Variants in GTPBP6 observed in about 807,000 individuals in gnomAD.
GTPBP6 encodes the protein putative GTP-binding protein 6.
A neutral mutation model predicts 28.9 loss-of-function variants in GTPBP6; 33 were observed. That is an observed-to-expected ratio of 1.14 (90% confidence interval 0.87 to 1.53). The LOEUF (loss-of-function observed/expected upper bound fraction) is 1.53, where lower values mean the gene tolerates loss of function less well. GTPBP6 is among the 40% of genes most tolerant of loss of function. GTPBP6 has a pLI of 0.00. For synonymous variants in GTPBP6, 231 were observed against 192.7 expected (o/e 1.20, Z -1.65); for missense variants, 507 against 408.3 (o/e 1.24, Z -2.08).
chrX:314,263 C>T, intron 4 of GTPBP6, 46 bp from the exon 5 acceptor site: 3 of 1,504,450 alleles, frequency 2.0e-6, no homozygotes, highest in Non-Finnish European at 2.8e-6. Flanking sequence ...ACGCTGTCTC[C>T]CTCCCGGCAG....
exon 4 of GTPBP6, chrX:314,900 G>C (rs1347020864): frequency 5.0e-6 from 2 of 398,854 alleles, no homozygotes; most frequent in East Asian, 3.6e-5. Context: ...CTGTGCAGCG[G>C]CATCTCCGCC....
In GTPBP6 at chrX:307,342, C is replaced by A; in HGVS notation, c.1427+18G>T. ...ATCCAAAGCACCATCCCGTCTCCTG[C>A]CCCTGCAGGCCGCTCACCTGAGCTG... On this transcript the variant is annotated intron_variant, in intron 9 of 9. Coordinates refer to ENST00000326153, the Ensembl canonical transcript of GTPBP6. The A allele has an allele frequency of 6.2e-7, 1 of 1,609,974 alleles. No individual in the cohort carries two copies. Among genetic ancestry groups the A allele is most frequent in the Non-Finnish European group, 8.5e-7 (1 of 1,178,552 alleles).
chrX:313,647 G>C (rs7498548), intron 5 of GTPBP6, among the ~76,000 whole-genome samples: 7 of 152,078 alleles, frequency 4.6e-5, no homozygotes, highest in African/African-American at 1.7e-4. Context: ...TAAATGCAAT[G>C]ACATGTGTCC....
At chrX:307,380 C>G in exon 9 of GTPBP6, 1 of 1,612,416 alleles carries the variant, frequency 6.2e-7, no homozygotes, top group South Asian at 1.1e-5. Flanking sequence ...CCCCTGCGAG[C>G]CTCACACGGA....
At chrX:313,960 C>T (rs866933501) in intron 5 of GTPBP6, among the ~76,000 whole-genome samples, 190 bp downstream of exon 5, 7 of 134,520 alleles carry the variant, frequency 5.2e-5, no homozygotes, top group South Asian at 4.3e-4. Context: ...CCAGACGGAG[C>T]CCCCAGCCAG....
At chrX:311,659 A>G (rs1483727188) in intron 6 of GTPBP6, 32 bp from the exon 7 acceptor site, 2 of 1,555,954 alleles carry the variant, frequency 1.3e-6, no homozygotes, top group African/African-American at 1.4e-5. Context: ...GGCGCTGCAG[A>G]GATCCCTGCG....
At chrX:308,059 C>T (rs1398613383) in intron 7 of GTPBP6, among the ~76,000 whole-genome samples, 179 bp from the exon 8 acceptor site, 13 of 152,090 alleles carry the variant, frequency 8.5e-5, no homozygotes, top group Non-Finnish European at 1.3e-4. Flanking sequence ...CAACAGTGGA[C>T]GCGAGCCCAC....
intron 7 of GTPBP6, among the ~76,000 whole-genome samples, chrX:309,609 C>A (rs181555423): frequency 4.6e-5 from 7 of 152,254 alleles, no homozygotes; most frequent in African/African-American, 1.4e-4. Flanking sequence ...CTAGGAGACA[C>A]AGACACAGAG....
chrX:317,023 C>A, exon 2 of GTPBP6: 1 of 398,680 alleles, frequency 2.5e-6, no homozygotes, highest in Non-Finnish European at 4.4e-6. Context: ...TGTGCACCAG[C>A]GCTGTGGCCT....
chrX:311,420 G>A (rs1377378264), exon 7 of GTPBP6: 16 of 1,317,086 alleles, frequency 1.2e-5, no homozygotes, highest in Non-Finnish European at 1.3e-5. Context: ...CACGCTCACC[G>A]AGTGGGCCAC....
At chrX:317,093 G>A (rs2070452412) in intron 1 of GTPBP6, 42 bp from the exon 2 acceptor site, 3 of 338,490 alleles carry the variant, frequency 8.9e-6, no homozygotes, top group African/African-American at 6.3e-5. Context: ...GCTTCTGCCC[G>A]GGGCCCCCGT....
At chrX:314,551 C>T (rs2070390891) in intron 4 of GTPBP6, among the ~76,000 whole-genome samples, 1 of 151,854 alleles carries the variant, frequency 6.6e-6, no homozygotes, top group Admixed American at 6.6e-5. Flanking sequence ...CGGCTCACTG[C>T]AAGCTCCACC....
chrX:305,299 T>A, intron 9 of GTPBP6, 102 bp from the exon 10 acceptor site: 2 of 888,188 alleles, frequency 2.3e-6, no homozygotes, highest in Non-Finnish European at 3.6e-6. Flanking sequence ...CTCAAACCAT[T>A]CATCAGACCG....
rs753961977 is a variant in GTPBP6, at chrX:314,536, G to A, written c.690-319C>T. On this transcript the variant is annotated intron_variant, in intron 4 of 9. Transcript: ENST00000326153. Reference sequence around the variant, plus strand: ...CACCCAGGCTGGAGTGCAGTGGCGTGATCTCGGCTCACTGCAAGCTCCACC... The same window carrying A: ...CACCCAGGCTGGAGTGCAGTGGCGTAATCTCGGCTCACTGCAAGCTCCACC... Among the ~76,000 whole-genome samples, 825 of 151,560 alleles carry A rather than the reference G, an allele frequency of 5.4e-3. 6 individuals are homozygous for A. Among genetic ancestry groups the A allele is most frequent in the Middle Eastern group, 0.021 (6 of 290 alleles).
chrX:315,744 CACATACACAGAG>C, intron 2 of GTPBP6, among the ~76,000 whole-genome samples: 1 of 22,524 alleles, frequency 4.4e-5, no homozygotes, highest in Admixed American at 5.8e-4. Flanking sequence ...CACACACAGA[CACATACACAGAG>C]ACACACACAA....
intron 2 of GTPBP6, among the ~76,000 whole-genome samples, chrX:315,553 G>GACACACACAC (rs1215331200): frequency 4.2e-4 from 46 of 110,464 alleles, no homozygotes; most frequent in East Asian, 2.3e-3. Context: ...TACACACGCA[G>GACACACACAC]ACACACACAC....
Position 305,326 on chromosome X carries a change from T to G in GTPBP6, c.1428-129A>C, listed in dbSNP as rs1296988545. 3.9e-5 allele frequency: 23 copies of G among 590,826 alleles called. 1 individual carries two copies. The Middle Eastern group carries it at 1.3e-3, about 32-fold the overall frequency. 36.6% of individuals were successfully genotyped at this position (590,826 alleles called of 1,614,324 possible). ...ATCAGACCGTCCTGTTTCCTTTTGT[T>G]TTTTTTTTTTTTTGAGACGGAGTCT... On this transcript the variant is annotated intron_variant, in intron 9 of 9. Transcript: ENST00000326153.
At chrX:317,327 G>T (rs2070456318) in intron 1 of GTPBP6, among the ~76,000 whole-genome samples, 2 of 150,130 alleles carry the variant, frequency 1.3e-5, no homozygotes, top group Non-Finnish European at 2.9e-5. Flanking sequence ...GGGAGCTGCG[G>T]GTGCTCAGGG....
intron 1 of GTPBP6, among the ~76,000 whole-genome samples, chrX:317,569 T>TGGGGGTGGGGGTGGGGGG (rs1187572118): frequency 2.6e-5 from 3 of 117,548 alleles, no homozygotes; most frequent in African/African-American, 9.6e-5. Flanking sequence ...GGGTGGGGGG[T>TGGGGGTGGGGGTGGGGGG]GGGACTAGAC....
Sources: allele counts gnomAD v4.1 joint callset (sites outside exome capture counted in the v4.1 genomes callset), GRCh38; gene constraint gnomAD v4.1.1; transcripts MANE v1.5; gene names NCBI Gene and HGNC (gene_info 2026-07-23, HGNC 2026-07-21).